ENOX2: variants seen among roughly 807,000 people sequenced by gnomAD.
ENOX2 encodes the protein APK1 antigen.
Under a neutral mutation model 45.0 loss-of-function variants are expected in ENOX2, and 36 were observed. The observed-to-expected ratio is 0.80, with a 90% CI of 0.61 to 1.06. The LOEUF (loss-of-function observed/expected upper bound fraction) is 1.06, where lower values mean the gene tolerates loss of function less well. Ranked by LOEUF, ENOX2 falls within the 50% of genes least tolerant of loss-of-function variation. The pLI is 0.00. For missense variants in ENOX2, 423 were observed against 462.5 expected (o/e 0.91, Z 0.78); for synonymous variants, 174 against 152.3 (o/e 1.14, Z -1.05).
intron 3 of ENOX2, among the ~76,000 whole-genome samples, chrX:130,735,398 C>G (rs986581666): frequency 8.9e-6 from 1 of 112,089 alleles, no homozygotes; most frequent in Non-Finnish European, 1.9e-5. Context: ...TTGAGATGCA[C>G]ATGCTTTAGG....
At chrX:130,895,855 T>C (rs2079053057) in intron 2 of ENOX2, among the ~76,000 whole-genome samples, 1 of 112,516 alleles carries the variant, frequency 8.9e-6, no homozygotes, top group African/African-American at 3.2e-5. Flanking sequence ...AGCAAAACTT[T>C]ACACTTTGTA....
At chrX:130,641,740 AAGAG>A (rs1219182954) in intron 10 of ENOX2, among the ~76,000 whole-genome samples, 1 of 109,017 alleles carries the variant, frequency 9.2e-6, no homozygotes, top group East Asian at 2.8e-4. Context: ...AAAAAAAAAA[AAGAG>A]AGAATTATGC....
chrX:130,639,323 G>T (rs1470357881), intron 10 of ENOX2, among the ~76,000 whole-genome samples: 1 of 112,038 alleles, frequency 8.9e-6, no homozygotes, highest in East Asian at 2.8e-4. Context: ...GTGTGTGTGT[G>T]TGTGGGTGGG....
intron 2 of ENOX2, among the ~76,000 whole-genome samples, chrX:130,790,747 G>A (rs917338696): frequency 1.8e-5 from 2 of 111,585 alleles, no homozygotes; most frequent in African/African-American, 6.5e-5. Context: ...GCTTATCTCA[G>A]ATGCTATTTC....
At chrX:130,799,047 T>C (rs1363018762) in intron 2 of ENOX2, among the ~76,000 whole-genome samples, 1 of 111,917 alleles carries the variant, frequency 8.9e-6, no homozygotes, top group African/African-American at 3.3e-5. Context: ...GTATTGTTCC[T>C]GGGTGTGTCT....
chrX:130,894,918 A>C (rs1303291907), intron 2 of ENOX2, among the ~76,000 whole-genome samples: 34 of 111,911 alleles, frequency 3.0e-4, no homozygotes, highest in African/African-American at 1.1e-3. Flanking sequence ...CTTTGTCCAC[A>C]TAGAGACTAG....
At chrX:130,851,481 T>TA (rs1224656459) in intron 2 of ENOX2, among the ~76,000 whole-genome samples, 2 of 110,255 alleles carry the variant, frequency 1.8e-5, no homozygotes, top group East Asian at 2.8e-4. Flanking sequence ...CTTTTTTTTT[T>TA]ATTATACTTT....
chrX:130,829,872 T>G lies in ENOX2; in HGVS notation c.-182-46182A>C, dbSNP rs575268696. Among the ~76,000 whole-genome samples the G allele has an allele frequency of 7.4e-4, 83 of 112,079 alleles. 2 individuals are homozygous for G. Among genetic ancestry groups the G allele is most frequent in the African/African-American group, 2.6e-3 (79 of 30,943 alleles). On this transcript the variant is annotated intron_variant, in intron 2 of 14. Transcript: ENST00000394363. ...TACATATTTAACAAAAACATTTTAT[T>G]AATGAGAAATTGGTTGAGATCAAGA...
intron 2 of ENOX2, among the ~76,000 whole-genome samples, chrX:130,784,206 A>G (rs2076933705): frequency 8.9e-6 from 1 of 111,852 alleles, no homozygotes; most frequent in Non-Finnish European, 1.9e-5. Flanking sequence ...ATATATAGAA[A>G]TTGCAAGGGG....
At chrX:130,726,579 C>T (rs1438698823) in intron 3 of ENOX2, among the ~76,000 whole-genome samples, 1 of 112,458 alleles carries the variant, frequency 8.9e-6, no homozygotes, top group African/African-American at 3.2e-5. Context: ...TGAAGTTTTT[C>T]CGATAAAGGA....
chrX:130,780,310 A>G (rs950615480), intron 3 of ENOX2, among the ~76,000 whole-genome samples: 1 of 112,130 alleles, frequency 8.9e-6, no homozygotes, highest in Non-Finnish European at 1.9e-5. Context: ...AATGTTTTAC[A>G]TACATTTTAG....
intron 3 of ENOX2, among the ~76,000 whole-genome samples, chrX:130,767,541 C>T (rs148940622): frequency 0.011 from 1,245 of 112,045 alleles, 25 homozygotes; most frequent in African/African-American, 0.038. Context: ...GTGATGAGTA[C>T]TGATAGAAGA....
intron 4 of ENOX2, among the ~76,000 whole-genome samples, chrX:130,692,416 T>A (rs1368736113): frequency 8.9e-6 from 1 of 112,788 alleles, no homozygotes; most frequent in Non-Finnish European, 1.9e-5. Context: ...AAAAGAGTTA[T>A]GGAAAAGGCC....
Position 130,667,807 on chromosome X carries a change from C to G in ENOX2, c.695-65G>C. ...AATTTTGATCTATTTTCCCAACATG[C>G]TGGCAAAGAGGGCATCATGATTTTT... On this transcript the variant is annotated intron_variant, in intron 7 of 14. Transcript: ENST00000394363. 1.9e-5 allele frequency: 17 copies of G among 898,641 alleles called. 1 individual carries two copies. In the South Asian group the frequency reaches 4.0e-4, roughly 21 times the overall value. The allele number at this position is 898,641 out of a possible 1,213,427, so 74.1% of individuals were successfully genotyped here.
At chrX:130,714,636 C>T (rs146726545) in intron 3 of ENOX2, among the ~76,000 whole-genome samples, 219 of 111,676 alleles carry the variant, frequency 2.0e-3, no homozygotes, top group African/African-American at 6.8e-3. Context: ...TGCAAGACTA[C>T]GAGATACATT....
chrX:130,883,578 T>A (rs187392516), intron 2 of ENOX2, among the ~76,000 whole-genome samples: 1 of 112,055 alleles, frequency 8.9e-6, no homozygotes, highest in African/African-American at 3.2e-5. Flanking sequence ...AATAAGCATA[T>A]TAAGTCCTTT....
chrX:130,771,734 C>T (rs62603891), intron 3 of ENOX2, among the ~76,000 whole-genome samples: 42 of 111,823 alleles, frequency 3.8e-4, no homozygotes, highest in Non-Finnish European at 7.0e-4. Context: ...CAGATCAAAT[C>T]ACTTCCTTCT....
intron 2 of ENOX2, among the ~76,000 whole-genome samples, chrX:130,858,244 TA>T (rs2078347696): frequency 9.2e-6 from 1 of 109,244 alleles, no homozygotes; most frequent in African/African-American, 3.3e-5. Flanking sequence ...GCCTCCCAAG[TA>T]GCTGAGATTA....
intron 4 of ENOX2, among the ~76,000 whole-genome samples, chrX:130,692,719 T>C (rs1055881850): frequency 9.1e-5 from 10 of 109,832 alleles, no homozygotes; most frequent in Non-Finnish European, 1.5e-4. Flanking sequence ...TAGCTGGGAT[T>C]ACAGGCATGC....
Sources: allele counts gnomAD v4.1 joint callset (sites outside exome capture counted in the v4.1 genomes callset), GRCh38; gene constraint gnomAD v4.1.1; transcripts MANE v1.5; gene names NCBI Gene and HGNC (gene_info 2026-07-23, HGNC 2026-07-21).